The following TASOR variants were observed in gnomAD, a reference collection of about 807,000 sequenced individuals.
TASOR encodes the protein protein TASOR.
Under a neutral mutation model 178.6 loss-of-function variants are expected in TASOR, and 53 were observed. The observed-to-expected ratio is 0.30, with a 90% CI of 0.24 to 0.37. The LOEUF (loss-of-function observed/expected upper bound fraction) is 0.37, where lower values mean the gene tolerates loss of function less well. Among genes scored for constraint, TASOR ranks in the 10% least tolerant of loss-of-function variants. The pLI is 1.00. For missense variants in TASOR, 1,815 were observed against 1,971.4 expected, an observed-to-expected ratio of 0.92 and a Z score of 1.50; for synonymous variants, 713 against 696.2, an observed-to-expected ratio of 1.02 and a Z score of -0.38.
chr3:56,656,592 C>T (rs1043931829), intron 11 of TASOR, among the ~76,000 whole-genome samples: 4 of 151,212 alleles, frequency 2.6e-5, no homozygotes, highest in Admixed American at 1.3e-4. Context: ...CTCTGTCCCC[C>T]GCCCCCCCCC....
chr3:56,637,502 C>G (rs764140464), intron 17 of TASOR, among the ~76,000 whole-genome samples: 1 of 150,182 alleles, frequency 6.7e-6, no homozygotes, highest in Non-Finnish European at 1.5e-5. Context: ...GCCTGGGTGA[C>G]AGAGAGAGAT....
At chr3:56,655,231 C>T (rs2077444989) in intron 11 of TASOR, among the ~76,000 whole-genome samples, 1 of 152,004 alleles carries the variant, frequency 6.6e-6, no homozygotes, top group African/African-American at 2.4e-5. Flanking sequence ...GGCAAGAATG[C>T]CCAAAATCAC....
chr3:56,682,907 G>C lies in TASOR; in HGVS notation c.100C>G (p.Leu34Val), dbSNP rs1559861316. ...CCGCCATTTTGTTGGGAGGACTCAA[G>C]CTCCGGAAGCGCCTGCTTCATCTCG... ...DDEMKQALPE[L>V]ESSQQNGGGG... Residue 34 changes from leucine to valine, a missense_variant, in exon 1 of 24, where the codon CTT becomes GTT. Around this residue, in one of 5 missense-constraint regions of TASOR, gnomAD observed 244 missense variants for 202.7 expected, o/e 1.20. Transcript: ENST00000683822. 6.5e-7 allele frequency: 1 copy of C among 1,539,756 alleles called. No homozygotes were observed. The highest frequency in any genetic ancestry group is 8.8e-7 in the Non-Finnish European group (1 of 1,137,756).
Position 56,647,176 on chromosome 3 carries a change from T to C in TASOR, c.1561A>G (p.Met521Val), listed in dbSNP as rs935144604. ...NAAPQERHES[M>V]PDVLKIAQFL... ...TGAGCTATTTTTAATACATCTGGCA[T>C]GCTCTCATGCCTCTCCTGTGGTGCT... The change falls in exon 14 of 24, where the codon ATG becomes GTG. Residue 521 changes from methionine (M) to valine (V), a missense_variant. This residue lies in a region of TASOR where 504 missense variants were observed against 645.3 expected (regional missense o/e 0.78). Transcript: ENST00000683822. 6.3e-7 allele frequency: 1 copy of C among 1,588,504 alleles called. No individual in the cohort carries two copies. The highest frequency in any genetic ancestry group is 1.4e-5 in the African/African-American group (1 of 73,362).
At chr3:56,646,091 T>A (rs944798030) in intron 14 of TASOR, among the ~76,000 whole-genome samples, 2 of 152,038 alleles carry the variant, frequency 1.3e-5, no homozygotes, top group Non-Finnish European at 2.9e-5. Flanking sequence ...GAGCTTGCAG[T>A]GAGCCGAGAT....
Position 56,683,001 on chromosome 3 carries a change from C to G in TASOR, c.6G>C (p.Ala2=), listed in dbSNP as rs559550458. 5 of 1,542,174 alleles carry G rather than the reference C, an allele frequency of 3.2e-6. No individual in the cohort carries two copies. The highest frequency in any genetic ancestry group is 4.4e-6 in the Non-Finnish European group (5 of 1,142,654). ...GACAGGCCTCCGTCTCCACAGCAGT[C>G]GCCATCGCGCCGGCCTAAGGAGCTC... M[A]TAVETEACQP... Residue 2 remains alanine (A), a synonymous_variant, in exon 1 of 24, where the codon GCG becomes GCC. Coordinates refer to ENST00000683822, the MANE Select transcript of TASOR (RefSeq NM_001365635.2).
At chr3:56,652,998 C>G (rs1211828281) in intron 11 of TASOR, among the ~76,000 whole-genome samples, 6 of 152,058 alleles carry the variant, frequency 3.9e-5, no homozygotes, top group African/African-American at 1.2e-4. Flanking sequence ...GGCGCAGTGG[C>G]TCACGCCTGT....
intron 1 of TASOR, among the ~76,000 whole-genome samples, chr3:56,680,941 G>A (rs1033925153): frequency 1.3e-5 from 2 of 152,092 alleles, no homozygotes; most frequent in South Asian, 2.1e-4. Flanking sequence ...GTGTTCAGCT[G>A]AAGTCTATTT....
At chr3:56,682,611 G>C (rs1420643357) in intron 1 of TASOR, 65 bp downstream of exon 1, 1 of 1,372,544 alleles carries the variant, frequency 7.3e-7, no homozygotes, top group Non-Finnish European at 9.7e-7. Flanking sequence ...AGAGGAGATA[G>C]AAAGATTCTA....
chr3:56,635,911 C>A (rs2077006221), intron 17 of TASOR, among the ~76,000 whole-genome samples: 1 of 152,146 alleles, frequency 6.6e-6, no homozygotes, highest in Admixed American at 6.5e-5. Flanking sequence ...GGAGAATTTT[C>A]CATAATTAAA....
intron 18 of TASOR, among the ~76,000 whole-genome samples, chr3:56,629,940 T>C (rs944112847): frequency 6.6e-6 from 1 of 151,126 alleles, no homozygotes; most frequent in Non-Finnish European, 1.5e-5. Context: ...AATGAAAAGG[T>C]AAATTACCAT....
intron 1 of TASOR, among the ~76,000 whole-genome samples, chr3:56,679,603 T>C (rs1328457276): frequency 2.0e-5 from 3 of 152,226 alleles, no homozygotes; most frequent in African/African-American, 4.8e-5. Flanking sequence ...TAAACCAGTA[T>C]GGAAATTTAG....
chr3:56,632,316 CA>C (rs1322036061), intron 18 of TASOR, among the ~76,000 whole-genome samples: 2 of 150,604 alleles, frequency 1.3e-5, no homozygotes, highest in East Asian at 2.0e-4. Context: ...ACTAAAAATA[CA>C]AAAAAAAATT....
At chr3:56,672,981 T>C (rs2030883824) in intron 2 of TASOR, among the ~76,000 whole-genome samples, 1 of 151,902 alleles carries the variant, frequency 6.6e-6, no homozygotes, top group Admixed American at 6.6e-5. Flanking sequence ...CCACCACGCC[T>C]AGCTAATTTT....
intron 5 of TASOR, among the ~76,000 whole-genome samples, chr3:56,669,339 T>C: frequency 6.6e-6 from 1 of 151,952 alleles, no homozygotes; most frequent in Non-Finnish European, 1.5e-5. Flanking sequence ...CCGTCTCTAC[T>C]AAAAATACAA....
At chr3:56,670,314 GACTT>G (rs2030544733) in intron 3 of TASOR, among the ~76,000 whole-genome samples, 169 bp from the exon 4 acceptor site, 1 of 151,740 alleles carries the variant, frequency 6.6e-6, no homozygotes, top group Non-Finnish European at 1.5e-5. Flanking sequence ...ATGTAAAACT[GACTT>G]ACACTTCTCA....
chr3:56,670,265 T>G (rs1289179984), intron 3 of TASOR, 120 bp from the exon 4 acceptor site: 4 of 548,690 alleles, frequency 7.3e-6, no homozygotes, highest in Non-Finnish European at 1.3e-5. Flanking sequence ...TCATTCTAGA[T>G]CACAGAAATC....
At chr3:56,678,177 ATTTTTTTTTTT>A (rs533306611) in intron 1 of TASOR, among the ~76,000 whole-genome samples, 1 of 107,004 alleles carries the variant, frequency 9.3e-6, no homozygotes, top group African/African-American at 3.7e-5. Flanking sequence ...CACACTTATG[ATTTTTTTTTTT>A]TTTTTTTTTT....
Position 56,682,923 on chromosome 3 carries a change from C to T in TASOR, c.84G>A (p.Lys28=), listed in dbSNP as rs2031937035. The T allele has an allele frequency of 1.3e-6, 2 of 1,539,308 alleles. No individual in the cohort carries two copies. Among genetic ancestry groups the T allele is most frequent in the African/African-American group, 2.7e-5 (2 of 72,784 alleles). ...AGGACTCAAGCTCCGGAAGCGCCTG[C>T]TTCATCTCGTCGTCTCCGCCGCCGC... ...ESGGGGDDEM[K]QALPELESSQ... The change falls in exon 1 of 24, where the codon AAG becomes AAA. Residue 28 remains lysine, a synonymous_variant. Transcript: ENST00000683822.
Sources: allele counts gnomAD v4.1 joint callset (sites outside exome capture counted in the v4.1 genomes callset), GRCh38; gene constraint gnomAD v4.1.1; regional missense constraint gnomAD v4.1.1; transcripts MANE v1.5; gene names NCBI Gene and HGNC (gene_info 2026-07-23, HGNC 2026-07-21).